Variants in LRRIQ1 observed in about 807,000 individuals in gnomAD.
LRRIQ1 encodes the protein leucine-rich repeat- and IQ domain-containing protein 1.
LRRIQ1 carries 210 observed loss-of-function variants against 211.9 expected under a neutral mutation model. The ratio of observed to expected loss-of-function variants is 0.99; its 90% CI spans 0.89 to 1.11. LRRIQ1 has a LOEUF of 1.11. LRRIQ1 is among the 50% of genes most tolerant of loss of function. LRRIQ1 has a pLI of 0.00. For missense variants in LRRIQ1, 2,136 were observed against 1,939.5 expected, an observed-to-expected ratio of 1.10 and a Z score of -1.90; for synonymous variants, 699 against 650.1, an observed-to-expected ratio of 1.08 and a Z score of -1.14.
intron 19 of LRRIQ1, among the ~76,000 whole-genome samples, chr12:85,147,589 C>T (rs1230647922): frequency 6.6e-6 from 1 of 151,768 alleles, no homozygotes; most frequent in African/African-American, 2.4e-5. Context: ...TTAGCCAAAC[C>T]ATCACTGAAC....
In LRRIQ1 at chr12:85,056,592, A is replaced by G; in HGVS notation, c.1799A>G (p.Lys600Arg). Reference protein sequence around the residue: ...EIQEQNGLLYKDKDTLVISVK... With the variant: ...EIQEQNGLLYRDKDTLVISVK... ...CAAGAACAGAATGGATTATTATATA[A>G]AGATAAGGATACTTTAGTTATTTCA... Residue 600 changes from lysine (K) to arginine (R), a missense_variant, in exon 8 of 27, where the codon AAA (lysine) becomes AGA (arginine). By Grantham distance (26) the Lys-to-Arg change is conservative. Coordinates refer to ENST00000393217, the MANE Select transcript of LRRIQ1 (RefSeq NM_001079910.2). 6.3e-7 allele frequency: 1 copy of G among 1,596,518 alleles called. No individual in the cohort carries two copies. Among genetic ancestry groups the G allele is most frequent in the South Asian group, 1.1e-5 (1 of 87,522 alleles).
At position 85,116,884 on chromosome 12, in the gene LRRIQ1, CT is replaced by C. The variant is rs1204649640; in HGVS notation, c.3378-4800del. Reference sequence around the variant, plus strand: ...TTACCACAAAGGACATGATCTCGTTCTTTTTTTTTTTTTATGGCTGCATATA... The same window carrying C: ...TTACCACAAAGGACATGATCTCGTTCTTTTTTTTTTTTATGGCTGCATATA... On this transcript the variant is annotated intron_variant, in intron 15 of 26. Coordinates refer to ENST00000393217, the MANE Select transcript of LRRIQ1 (RefSeq NM_001079910.2). Among the ~76,000 whole-genome samples, 553 of 141,800 alleles carry C rather than the reference CT, an allele frequency of 3.9e-3. 3 individuals carry two copies. Among genetic ancestry groups the C allele is most frequent in the East Asian group, 0.036 (174 of 4,868 alleles). The allele number at this position is 141,800 out of a possible 152,430, so 93.0% of individuals were successfully genotyped here. A position where few individuals can be genotyped will look rare whatever the true frequency, so the allele number is the denominator to read the frequency against.
chr12:85,138,647 T>G (rs1391541435), intron 19 of LRRIQ1, among the ~76,000 whole-genome samples: 2 of 151,486 alleles, frequency 1.3e-5, no homozygotes, highest in East Asian at 3.9e-4. Flanking sequence ...AAAACTTTTT[T>G]GTAAGTGGAT....
chr12:85,100,070 G>T (rs1886229143), intron 13 of LRRIQ1, among the ~76,000 whole-genome samples: 1 of 151,716 alleles, frequency 6.6e-6, no homozygotes, highest in Admixed American at 6.6e-5. Context: ...TCCAGGTACA[G>T]AGTATACTTT....
chr12:85,067,234 G>A (rs1882533708), intron 10 of LRRIQ1, among the ~76,000 whole-genome samples: 1 of 151,794 alleles, frequency 6.6e-6, no homozygotes, highest in South Asian at 2.1e-4. Flanking sequence ...AAATGCCTCA[G>A]CAATTGTTGT....
At chr12:85,083,806 A>G (rs1231660901) in intron 11 of LRRIQ1, among the ~76,000 whole-genome samples, 3 of 152,216 alleles carry the variant, frequency 2.0e-5, no homozygotes, top group Non-Finnish European at 4.4e-5. Flanking sequence ...ATGATAAAGC[A>G]GTAATCTATA....
At chr12:85,191,969 G>A (rs765841151) in intron 24 of LRRIQ1, among the ~76,000 whole-genome samples, 6 of 151,716 alleles carry the variant, frequency 4.0e-5, no homozygotes, top group East Asian at 3.9e-4. Context: ...GGGGTTGTTC[G>A]TTTTCTAATT....
chr12:85,156,672 C>T (rs1016404754), intron 23 of LRRIQ1, among the ~76,000 whole-genome samples: 9 of 151,804 alleles, frequency 5.9e-5, no homozygotes, highest in Admixed American at 4.6e-4. Context: ...TTTGGTTAAA[C>T]ACTGAAAGAT....
intron 24 of LRRIQ1, among the ~76,000 whole-genome samples, chr12:85,198,074 A>C (rs912590210): frequency 9.3e-6 from 1 of 107,058 alleles, no homozygotes; most frequent in Non-Finnish European, 1.7e-5. Context: ...CATATTATTT[A>C]TATATAATTT....
chr12:85,102,777 C>A (rs1449728149), intron 13 of LRRIQ1, among the ~76,000 whole-genome samples: 2 of 150,930 alleles, frequency 1.3e-5, no homozygotes, highest in Admixed American at 6.6e-5. Flanking sequence ...GTAAAGGACC[C>A]TTCCAGGACA....
At chr12:85,260,295 T>C (rs1401911296) in intron 1 of LRRIQ1, among the ~76,000 whole-genome samples, 1 of 151,860 alleles carries the variant, frequency 6.6e-6, no homozygotes, top group African/African-American at 2.4e-5. Flanking sequence ...CCAGCCTGGG[T>C]GACTATGAAA....
chr12:85,133,515 A>C (rs1159069675), intron 18 of LRRIQ1, among the ~76,000 whole-genome samples: 1 of 152,114 alleles, frequency 6.6e-6, no homozygotes, highest in Non-Finnish European at 1.5e-5. Context: ...TCCTGTGGTG[A>C]GGTTGCCTTG....
At chr12:85,158,302 C>T (rs1466776132) in intron 23 of LRRIQ1, among the ~76,000 whole-genome samples, 1 of 150,694 alleles carries the variant, frequency 6.6e-6, no homozygotes, top group African/African-American at 2.4e-5. Context: ...GCATTTTAGT[C>T]ATGTAAATAT....
chr12:85,175,825 G>A (rs1477453861), intron 24 of LRRIQ1, among the ~76,000 whole-genome samples: 5 of 152,082 alleles, frequency 3.3e-5, no homozygotes, highest in Non-Finnish European at 5.9e-5. Context: ...GAGATATGCG[G>A]CATTATTTCT....
Position 85,124,321 on chromosome 12 carries a change from C to G in LRRIQ1, c.3809C>G (p.Ser1270Cys). ...SPDIPEKWMDSVSSHSPLSKS... is the reference protein window; with the variant it reads ...SPDIPEKWMDCVSSHSPLSKS... ...GATATTCCTGAGAAATGGATGGACT[C>G]TGTCTCCAGCCACTCCCCATTAAGC... The change falls in exon 17 of 27, where the codon TCT becomes TGT. Residue 1270 changes from serine (S) to cysteine (C), a missense_variant. Physicochemically the swap from Ser to Cys is moderately radical, Grantham distance 112. Transcript: ENST00000393217. The G allele has an allele frequency of 6.2e-7, 1 of 1,614,074 alleles. No homozygotes were observed. The highest frequency in any genetic ancestry group is 1.6e-4 in the Middle Eastern group (1 of 6,062).
At chr12:85,160,534 C>G in intron 23 of LRRIQ1, 79 bp from the exon 24 acceptor site, 1 of 772,166 alleles carries the variant, frequency 1.3e-6, no homozygotes. Context: ...TTACTACCAC[C>G]ATATAAGAAA....
intron 23 of LRRIQ1, 77 bp downstream of exon 23, chr12:85,154,171 ATTATGT>A (rs756298813): frequency 1.4e-6 from 1 of 740,162 alleles, no homozygotes; most frequent in Non-Finnish European, 2.0e-6. Context: ...TATTTTATAA[ATTATGT>A]TTAATAAGAA....
At position 85,056,033 on chromosome 12, in the gene LRRIQ1, G is replaced by T; in HGVS notation, c.1240G>T (p.Asp414Tyr). ...GYNNKHLSLE[D>Y]ISNDKGDIAK... ...TAATAACAAACATTTAAGTCTTGAA[G>T]ATATTTCAAATGATAAGGGTGATAT... The change falls in exon 8 of 27, where the codon GAT (aspartate) becomes TAT (tyrosine). Residue 414 changes from aspartate (D) to tyrosine (Y), a missense_variant. Transcript: ENST00000393217. 1 of 1,601,346 alleles carries T rather than the reference G, an allele frequency of 6.2e-7. No homozygotes were observed. The highest frequency in any genetic ancestry group is 1.1e-5 in the South Asian group (1 of 87,524).
chr12:85,231,812 A>G (rs1049844752), intron 25 of LRRIQ1, among the ~76,000 whole-genome samples: 1 of 152,200 alleles, frequency 6.6e-6, no homozygotes, highest in African/African-American at 2.4e-5. Flanking sequence ...AACCACCCTC[A>G]TGACCCAAAC....
Sources: gnomAD v4.1 joint callset for allele counts (sites outside exome capture counted in the v4.1 genomes callset) on GRCh38, gnomAD v4.1.1 for gene constraint, MANE v1.5 for transcripts, NCBI Gene and HGNC (gene_info 2026-07-23, HGNC 2026-07-21) for gene names.